Variants in PLOD2 observed in about 807,000 individuals in gnomAD.
PLOD2 encodes the protein procollagen-lysine,2-oxoglutarate 5-dioxygenase 2, also known as lysine hydroxylase 2.
Under a neutral mutation model 101.0 loss-of-function variants are expected in PLOD2, and 65 were observed. That is an observed-to-expected ratio of 0.64 (90% CI 0.53 to 0.79). PLOD2 has a LOEUF of 0.79. Ranked by LOEUF, PLOD2 falls within the 30% of genes least tolerant of loss-of-function variation. The pLI is 0.00. For missense variants in PLOD2, 909 were observed against 914.6 expected (o/e 0.99, Z 0.08); for synonymous variants, 314 against 302.9 (o/e 1.04, Z -0.38).
chr3:146,156,769 T>C (rs1472567284), intron 1 of PLOD2, among the ~76,000 whole-genome samples: 2 of 152,218 alleles, frequency 1.3e-5, no homozygotes, highest in Non-Finnish European at 2.9e-5. Context: ...TTCTTTCTCA[T>C]AGGTCCCAAA....
chr3:146,137,946 G>C (rs1473038579), intron 1 of PLOD2, among the ~76,000 whole-genome samples: 3 of 152,124 alleles, frequency 2.0e-5, no homozygotes, highest in African/African-American at 7.2e-5. Context: ...AATACCGCAG[G>C]GGGAAGAAAC....
Position 146,071,352 on chromosome 3 carries a change from C to G in PLOD2, c.1920G>C (p.Glu640Asp). ...CCCGGATAAAATGAAGCCATACATTCTCCAGATCAACTTGCTTCATGTGGA... is the reference window on the plus strand; with the variant it reads ...CCCGGATAAAATGAAGCCATACATTGTCCAGATCAACTTGCTTCATGTGGA... ...DDIHMKQVDL[E>D]NVWLHFIREF... Residue 640 changes from glutamate (E) to aspartate (D), a missense_variant, in exon 18 of 20, where the codon GAG becomes GAC. Physicochemically the swap from Glu to Asp is conservative, Grantham distance 45. Coordinates refer to ENST00000282903, the MANE Select transcript of PLOD2 (RefSeq NM_182943.3). The G allele has an allele frequency of 1.2e-6, 2 of 1,612,204 alleles. No individual in the cohort carries two copies. Among genetic ancestry groups the G allele is most frequent in the Non-Finnish European group, 1.7e-6 (2 of 1,178,750 alleles).
chr3:146,077,225 G>C, intron 14 of PLOD2: 2 of 990,080 alleles, frequency 2.0e-6, no homozygotes, highest in African/African-American at 3.5e-5. Flanking sequence ...TTGAGACACA[G>C]TGCAATGAAT....
In PLOD2 at chr3:146,106,522, T is replaced by C. The variant is rs1401269766; in HGVS notation, c.615+10A>G. On this transcript the variant is annotated intron_variant, in intron 5 of 19. Coordinates refer to ENST00000282903, the MANE Select transcript of PLOD2 (RefSeq NM_182943.3). ...ATCAATAAAACAAAAAAATTGCAGC[T>C]GTTACACACCCTTTTCAGTGGATCA... 1.6e-6 allele frequency: 2 copies of C among 1,257,438 alleles called. No homozygotes were observed. The highest frequency in any genetic ancestry group is 2.9e-5 in the African/African-American group (2 of 68,010). 77.9% of individuals were successfully genotyped at this position (1,257,438 alleles called of 1,614,324 possible).
intron 1 of PLOD2, among the ~76,000 whole-genome samples, chr3:146,146,540 G>C (rs1210902175): frequency 6.6e-6 from 1 of 152,160 alleles, no homozygotes; most frequent in Non-Finnish European, 1.5e-5. Flanking sequence ...AAGAGAGAGA[G>C]AGGCAGAGAG....
chr3:146,107,733 T>G (rs755228013), intron 4 of PLOD2, among the ~76,000 whole-genome samples: 1 of 143,936 alleles, frequency 6.9e-6, no homozygotes, highest in African/African-American at 2.6e-5. Flanking sequence ...GCCTCCCGAG[T>G]TCCCCTCCGC....
At chr3:146,138,900 T>C (rs1337508198) in intron 1 of PLOD2, among the ~76,000 whole-genome samples, 1 of 152,174 alleles carries the variant, frequency 6.6e-6, no homozygotes, top group African/African-American at 2.4e-5. Context: ...GTTGCCCAAC[T>C]TTAAATATAT....
chr3:146,070,669 C>A lies in PLOD2; in HGVS notation c.*48G>T, dbSNP rs1210661017. 2.3e-6 allele frequency: 3 copies of A among 1,285,116 alleles called. No individual in the cohort carries two copies. Among genetic ancestry groups the A allele is most frequent in the Non-Finnish European group, 3.4e-6 (3 of 886,290 alleles). The allele number at this position is 1,285,116 out of a possible 1,614,324, so 79.6% of individuals were successfully genotyped here. A position where few individuals can be genotyped will look rare whatever the true frequency, so the allele number is the denominator to read the frequency against. ...CCACAACTTCAAAGACGTGTTCATG[C>A]CAGTCATTCATCCAAAATAAATTTC... On this transcript the variant is annotated 3_prime_UTR_variant, in exon 20 of 20. Transcript: ENST00000282903.
chr3:146,121,968 C>A (rs1868540), intron 2 of PLOD2, among the ~76,000 whole-genome samples: 3,665 of 152,292 alleles, frequency 0.024, 138 homozygotes, highest in African/African-American at 0.083. Flanking sequence ...ACACAACACA[C>A]ACCTTTTCTC....
chr3:146,155,369 T>C (rs1680633306), intron 1 of PLOD2, among the ~76,000 whole-genome samples: 1 of 151,898 alleles, frequency 6.6e-6, no homozygotes, highest in African/African-American at 2.4e-5. Context: ...TCTCTATAAT[T>C]CTACTATTCT....
At chr3:146,092,128 C>G (rs963992847) in intron 7 of PLOD2, among the ~76,000 whole-genome samples, 1 of 151,400 alleles carries the variant, frequency 6.6e-6, no homozygotes, top group African/African-American at 2.4e-5. Context: ...TCTTATAAAT[C>G]ATAAAGGTCA....
intron 3 of PLOD2, among the ~76,000 whole-genome samples, chr3:146,113,002 G>T (rs1414407861): frequency 6.6e-6 from 1 of 152,032 alleles, no homozygotes; most frequent in Admixed American, 6.6e-5. Flanking sequence ...ATTAAAAAAA[G>T]TTATAAATGC....
intron 1 of PLOD2, among the ~76,000 whole-genome samples, chr3:146,132,107 C>A (rs2030948397): frequency 6.6e-6 from 1 of 152,236 alleles, no homozygotes; most frequent in African/African-American, 2.4e-5. Context: ...GCTTCCACAG[C>A]CCACTCTGGA....
chr3:146,099,294 G>A (rs1937304067), intron 7 of PLOD2, among the ~76,000 whole-genome samples: 1 of 152,140 alleles, frequency 6.6e-6, no homozygotes, highest in Non-Finnish European at 1.5e-5. Flanking sequence ...GCTCCAGTCA[G>A]CATCATCCTG....
chr3:146,081,630 A>T, intron 12 of PLOD2, 108 bp downstream of exon 12: 1 of 823,354 alleles, frequency 1.2e-6, no homozygotes, highest in Non-Finnish European at 2.0e-6. Context: ...AATTCCCATT[A>T]ACTATAAAGA....
In PLOD2 at chr3:146,161,140, G is replaced by A. The variant is rs1213176532; in HGVS notation, c.-151C>T. The A allele has an allele frequency of 6.7e-5, 29 of 433,244 alleles. No individual in the cohort carries two copies. The highest frequency in any genetic ancestry group is 5.9e-5 in the Non-Finnish European group (15 of 253,718). The allele number at this position is 433,244 out of a possible 1,614,324, so 26.8% of individuals were successfully genotyped here. A position where few individuals can be genotyped will look rare whatever the true frequency, so the allele number is the denominator to read the frequency against. ...GCGCGCGGCCGGCAGCCGGAGCGGC[G>A]CGTAACGCAGCTGAGTGAGGTCGTC... On this transcript the variant is annotated 5_prime_UTR_variant, in exon 1 of 20. Transcript: ENST00000282903.
intron 1 of PLOD2, among the ~76,000 whole-genome samples, chr3:146,139,153 T>C (rs1326041714): frequency 1.3e-5 from 2 of 152,140 alleles, no homozygotes; most frequent in Non-Finnish European, 2.9e-5. Flanking sequence ...TAAAAAGTCA[T>C]CCATTTGAAT....
At chr3:146,119,020 C>G (rs549995433) in intron 3 of PLOD2, among the ~76,000 whole-genome samples, 8 of 152,254 alleles carry the variant, frequency 5.3e-5, no homozygotes, top group African/African-American at 1.4e-4. Context: ...TAATTTGAAT[C>G]TACGTCCCCA....
Position 146,124,124 on chromosome 3 carries a change from A to G in PLOD2, c.201+14T>C, listed in dbSNP as rs1311791781. 1 of 1,326,688 alleles carries G rather than the reference A, an allele frequency of 7.5e-7. No homozygotes were observed. Among genetic ancestry groups the G allele is most frequent in the Non-Finnish European group, 1.1e-6 (1 of 919,218 alleles). The allele number at this position is 1,326,688 out of a possible 1,614,324, so 82.2% of individuals were successfully genotyped here. On this transcript the variant is annotated intron_variant, in intron 2 of 19. Coordinates refer to ENST00000282903, the MANE Select transcript of PLOD2 (RefSeq NM_182943.3). The stretch of plus-strand genomic sequence containing the variant: ...ACATTATAGGATCTTCATAGGTTAA[A>G]GGATATACCATACCTTCACAGTATA...
Sources: gnomAD v4.1 joint callset for allele counts (sites outside exome capture counted in the v4.1 genomes callset) on GRCh38, gnomAD v4.1.1 for gene constraint, MANE v1.5 for transcripts, NCBI Gene and HGNC (gene_info 2026-07-23, HGNC 2026-07-21) for gene names.